Variants in FGF12 observed in about 807,000 individuals in gnomAD.
FGF12 encodes the protein fibroblast growth factor 12B.
Under a neutral mutation model 23.6 loss-of-function variants are expected in FGF12, and 14 were observed. That is an observed-to-expected ratio of 0.59 (90% CI 0.39 to 0.93). FGF12 has a LOEUF of 0.93. FGF12 is among the 40% of genes least tolerant of loss of function. The probability of loss-of-function intolerance (pLI) is 0.00; values close to 1 mark genes in which losing one functional copy is unlikely to be tolerated. For missense variants in FGF12, 175 were observed against 217.8 expected, an observed-to-expected ratio of 0.80 and a Z score of 1.24; for synonymous variants, 62 against 77.3, an observed-to-expected ratio of 0.80 and a Z score of 1.04.
At chr3:192,491,767 A>G (rs560354775) in intron 2 of FGF12, among the ~76,000 whole-genome samples, 3 of 152,250 alleles carry the variant, frequency 2.0e-5, no homozygotes, top group Admixed American at 2.0e-4. Context: ...CACCTAGAAA[A>G]TTATAATTAT....
At chr3:192,533,413 G>C (rs1013264889) in intron 2 of FGF12, among the ~76,000 whole-genome samples, 2 of 151,986 alleles carry the variant, frequency 1.3e-5, no homozygotes, top group African/African-American at 2.4e-5. Context: ...ATGTATGTTG[G>C]GGCCTGCACC....
chr3:192,374,989 T>C (rs1049597591), intron 2 of FGF12, among the ~76,000 whole-genome samples: 1 of 152,224 alleles, frequency 6.6e-6, no homozygotes, highest in African/African-American at 2.4e-5. Flanking sequence ...TATTTCTGAA[T>C]TTGGGAGGTA....
chr3:192,691,405 T>C (rs1717939557), intron 2 of FGF12, among the ~76,000 whole-genome samples: 1 of 151,848 alleles, frequency 6.6e-6, no homozygotes, highest in African/African-American at 2.4e-5. Context: ...TTCATAAATA[T>C]GTGGAAATTA....
At chr3:192,693,758 A>G (rs1018847440) in intron 2 of FGF12, among the ~76,000 whole-genome samples, 3 of 152,156 alleles carry the variant, frequency 2.0e-5, no homozygotes, top group Non-Finnish European at 4.4e-5. Flanking sequence ...ACTCAATATG[A>G]ATTAAAGATC....
chr3:192,320,966 G>A (rs981590889), intron 4 of FGF12, among the ~76,000 whole-genome samples: 8 of 151,956 alleles, frequency 5.3e-5, no homozygotes, highest in African/African-American at 1.9e-4. Context: ...GACCAGAGCA[G>A]TAGTAAAGGA....
At chr3:192,695,250 T>C (rs538617441) in intron 2 of FGF12, among the ~76,000 whole-genome samples, 8 of 152,310 alleles carry the variant, frequency 5.3e-5, no homozygotes, top group Non-Finnish European at 1.0e-4. Flanking sequence ...TTTCGTTGTG[T>C]CTTATTCACA....
At chr3:192,251,222 G>A (rs1456215669) in intron 4 of FGF12, among the ~76,000 whole-genome samples, 2 of 152,278 alleles carry the variant, frequency 1.3e-5, no homozygotes, top group African/African-American at 4.8e-5. Flanking sequence ...AGAAAGAGCT[G>A]CTTATCTTTT....
chr3:192,484,978 A>G (rs1300601555), intron 2 of FGF12, among the ~76,000 whole-genome samples: 2 of 151,266 alleles, frequency 1.3e-5, no homozygotes, highest in African/African-American at 4.9e-5. Context: ...CTGGATTTTA[A>G]ATTTTATATG....
intron 4 of FGF12, among the ~76,000 whole-genome samples, chr3:192,277,675 A>G (rs1471440610): frequency 6.6e-6 from 1 of 152,154 alleles, no homozygotes; most frequent in Non-Finnish European, 1.5e-5. Context: ...CCTTGCGTGT[A>G]TTCAGAGCAC....
At chr3:192,286,423 T>C (rs529139243) in intron 4 of FGF12, among the ~76,000 whole-genome samples, 1 of 152,166 alleles carries the variant, frequency 6.6e-6, no homozygotes, top group African/African-American at 2.4e-5. Context: ...TTATGGAGAA[T>C]TTAAAGCAGC....
rs115058131 is a variant in FGF12, at chr3:192,612,666, T to G, written c.13+114515A>C. ...TGATATAAAAATGACCTACAAATTA[T>G]AGCTATGAAATAACATTATTAGGGC... On this transcript the variant is annotated intron_variant, in intron 2 of 5. Transcript: ENST00000445105. 2.8e-3 allele frequency among the ~76,000 whole-genome samples: 427 copies of G among 152,066 alleles called. 1 individual carries two copies. Among genetic ancestry groups the G allele is most frequent in the African/African-American group, 9.7e-3 (403 of 41,538 alleles).
intron 2 of FGF12, among the ~76,000 whole-genome samples, chr3:192,485,642 T>C (rs1723612565): frequency 6.6e-6 from 1 of 152,160 alleles, no homozygotes. Flanking sequence ...TCATTACATT[T>C]AGCATTTTAG....
chr3:192,647,826 T>C (rs1029425851), intron 2 of FGF12, among the ~76,000 whole-genome samples: 1 of 151,422 alleles, frequency 6.6e-6, no homozygotes, highest in Non-Finnish European at 1.5e-5. Context: ...AACGAACTCC[T>C]TAGAAAATAA....
chr3:192,395,628 C>T (rs1291930119), intron 2 of FGF12, among the ~76,000 whole-genome samples: 3 of 152,208 alleles, frequency 2.0e-5, no homozygotes, highest in Admixed American at 1.3e-4. Flanking sequence ...CCTCCAGGAA[C>T]TCACTCTCCA....
chr3:192,243,530 T>C (rs1481049422), intron 4 of FGF12, among the ~76,000 whole-genome samples: 3 of 108,608 alleles, frequency 2.8e-5, no homozygotes, highest in African/African-American at 1.2e-4. Flanking sequence ...AGGGCAGCTT[T>C]ATGGAAAAAA....
Position 192,141,567 on chromosome 3 carries a change from C to T in FGF12, c.*2442G>A, listed in dbSNP as rs1047791862. On this transcript the variant is annotated 3_prime_UTR_variant, in exon 6 of 6. Coordinates refer to ENST00000445105, the MANE Select transcript of FGF12 (RefSeq NM_004113.6). Reference sequence around the variant, plus strand: ...ACATAATACGGAGAAAAACAATATACAAATTGTGTGGTTAGAATTTTTTCT... The same window carrying T: ...ACATAATACGGAGAAAAACAATATATAAATTGTGTGGTTAGAATTTTTTCT... The T allele has an allele frequency of 6.6e-6, 1 of 151,890 alleles. No homozygotes were observed. The highest frequency in any genetic ancestry group is 1.5e-5 in the Non-Finnish European group (1 of 67,862). The allele number at this position is 151,890 out of a possible 1,614,324, so 9.4% of individuals were successfully genotyped here.
intron 4 of FGF12, among the ~76,000 whole-genome samples, chr3:192,295,870 A>C (rs1030544396): frequency 6.6e-6 from 1 of 151,682 alleles, no homozygotes; most frequent in African/African-American, 2.4e-5. Flanking sequence ...AATTTAATTA[A>C]TTTATTTTTA....
chr3:192,222,484 A>T (rs1259064132), intron 4 of FGF12, among the ~76,000 whole-genome samples: 2 of 152,166 alleles, frequency 1.3e-5, no homozygotes, highest in African/African-American at 4.8e-5. Flanking sequence ...GAAACTCAAA[A>T]GGAAAGAATA....
At chr3:192,599,269 A>AATAATAATAATAATAATAATTATT (rs3043818) in intron 2 of FGF12, among the ~76,000 whole-genome samples, 1 of 148,078 alleles carries the variant, frequency 6.8e-6, no homozygotes, top group African/African-American at 2.5e-5. Flanking sequence ...TAATAATAAT[A>AATAATAATAATAATAATAATTATT]ATAATAATAA....
Sources: gnomAD v4.1 joint callset for allele counts (sites outside exome capture counted in the v4.1 genomes callset) on GRCh38, gnomAD v4.1.1 for gene constraint, MANE v1.5 for transcripts, NCBI Gene and HGNC (gene_info 2026-07-23, HGNC 2026-07-21) for gene names.